Variants in MRGPRX3 observed in about 807,000 individuals in gnomAD.
MRGPRX3 encodes MAS related GPR family member X3, also known as mas-related G protein-coupled receptor member X3.
Under a neutral mutation model 16.5 loss-of-function variants are expected in MRGPRX3, and 14 were observed. The ratio of observed to expected loss-of-function variants is 0.85; its 90% confidence interval spans 0.56 to 1.33. The LOEUF is 1.33. Ranked by LOEUF, MRGPRX3 falls within the 40% of genes most tolerant of loss-of-function variation. The pLI is 0.00. For missense variants in MRGPRX3, 449 were observed against 413.0 expected (o/e 1.09, Z -0.76); for synonymous variants, 199 against 180.1 (o/e 1.10, Z -0.84).
At chr11:18,129,142 G>A (rs1848934575), upstream of MRGPRX3, among the ~76,000 whole-genome samples, 1 of 152,098 alleles carries the variant, frequency 6.6e-6, no homozygotes, top group Non-Finnish European at 1.5e-5. Context: ...AACTAGAGAA[G>A]CAAGAACAAA....
chr11:18,128,680 C>T (rs1323723191), upstream of MRGPRX3, among the ~76,000 whole-genome samples: 1 of 152,222 alleles, frequency 6.6e-6, no homozygotes, highest in South Asian at 2.1e-4. Context: ...GTCTGTCACT[C>T]CTTTTCTTGG....
At chr11:18,136,622 T>G (rs1405766688) in intron 1 of MRGPRX3, among the ~76,000 whole-genome samples, 1 of 152,236 alleles carries the variant, frequency 6.6e-6, no homozygotes, top group Non-Finnish European at 1.5e-5. Flanking sequence ...GAAAAGCACA[T>G]TGTGCTGCTT....
upstream of MRGPRX3, among the ~76,000 whole-genome samples, chr11:18,130,033 T>C (rs1045633577): frequency 6.6e-6 from 1 of 152,122 alleles, no homozygotes; most frequent in African/African-American, 2.4e-5. Flanking sequence ...CATACCTTAA[T>C]GTAATAAAAG....
chr11:18,130,951 C>T (rs968292898), upstream of MRGPRX3, among the ~76,000 whole-genome samples: 1 of 152,056 alleles, frequency 6.6e-6, no homozygotes, highest in Admixed American at 6.6e-5. Context: ...TTCTAGTTAA[C>T]AAATGGTGCT....
In MRGPRX3 at chr11:18,137,695, T is replaced by C. The variant is rs758327883; in HGVS notation, c.493T>C (p.Phe165Leu). Residue 165 changes from phenylalanine (F) to leucine (L), a missense_variant, in exon 2 of 2, where the codon TTT becomes CTT. By Grantham distance (22) the Phe-to-Leu change is conservative. Coordinates refer to ENST00000621697, the MANE Select transcript of MRGPRX3 (RefSeq NM_001370464.1). ...GGAGTGGATGTTCTGTGACTTCCTG[T>C]TTAGTGGTGCTAATTCTGTTTGGTG... ...ILEWMFCDFL[F>L]SGANSVWCET... 6.2e-7 allele frequency: 1 copy of C among 1,613,938 alleles called. No individual in the cohort carries two copies. The highest frequency in any genetic ancestry group is 1.3e-5 in the African/African-American group (1 of 74,872).
intron 1 of MRGPRX3, among the ~76,000 whole-genome samples, chr11:18,121,383 T>G (rs563322567): frequency 6.6e-6 from 1 of 151,364 alleles, no homozygotes; most frequent in Admixed American, 6.5e-5. Context: ...GGGGCGCCAC[T>G]GCCCAGCTGC....
At chr11:18,131,395 A>T (rs2134083125), upstream of MRGPRX3, among the ~76,000 whole-genome samples, 1 of 152,302 alleles carries the variant, frequency 6.6e-6, no homozygotes, top group East Asian at 1.9e-4. Context: ...GACAATTCTC[A>T]AAAGAAGATA....
In MRGPRX3 at chr11:18,122,840, C is replaced by T. The variant is rs1848853664; in HGVS notation, c.-152+1676C>T. Among the ~76,000 whole-genome samples the T allele has an allele frequency of 3.9e-5, 6 of 152,210 alleles. No homozygotes were observed. In the South Asian group the frequency reaches 1.0e-3, roughly 26 times the overall value. ...CTTTCCTGTTTCTCCACATCCTCTCCAGCATCTGTTGTTTCCTGACTTTTT... is the reference window on the plus strand; with the variant it reads ...CTTTCCTGTTTCTCCACATCCTCTCTAGCATCTGTTGTTTCCTGACTTTTT... On this transcript the variant is annotated intron_variant, in intron 1 of 2. Coordinates refer to the MRGPRX3 transcript ENST00000396275.
chr11:18,137,603 G>A lies in MRGPRX3; in HGVS notation c.401G>A (p.Arg134His), dbSNP rs139790666. 902 of 1,614,090 alleles carry A rather than the reference G, an allele frequency of 5.6e-4. 1 individual carries two copies. The highest frequency in any genetic ancestry group is 1.2e-3 in the Middle Eastern group (7 of 6,062). ...TGGCCCATCTGGTACCACTGCCGCC[G>A]CCCCAGATACCTGTCATCAGTCATG... Reference protein sequence around the residue: ...ILWPIWYHCRRPRYLSSVMCV... With the variant: ...ILWPIWYHCRHPRYLSSVMCV... The change falls in exon 2 of 2, where the codon CGC (arginine) becomes CAC (histidine). Residue 134 changes from arginine (R) to histidine (H), a missense_variant. Coordinates refer to ENST00000621697, the MANE Select transcript of MRGPRX3 (RefSeq NM_001370464.1).
intron 1 of MRGPRX3, among the ~76,000 whole-genome samples, chr11:18,127,128 G>A (rs1479388039): frequency 1.3e-5 from 2 of 152,210 alleles, no homozygotes; most frequent in Admixed American, 6.5e-5. Context: ...TGGAGTTTCT[G>A]CCGAGAGATC....
intron 1 of MRGPRX3, among the ~76,000 whole-genome samples, chr11:18,134,633 C>T (rs1391135047): frequency 2.0e-5 from 3 of 152,142 alleles, no homozygotes; most frequent in Admixed American, 6.5e-5. Flanking sequence ...GAACTAGAAG[C>T]TCCAAAGCAT....
chr11:18,127,362 G>T (rs112494774), intron 1 of MRGPRX3, among the ~76,000 whole-genome samples: 4,597 of 152,308 alleles, frequency 0.03, 227 homozygotes, highest in African/African-American at 0.1. Context: ...ATCCTGCAGA[G>T]TGTTTTCCAG....
At chr11:18,130,816 G>A (rs919765283), upstream of MRGPRX3, among the ~76,000 whole-genome samples, 4 of 151,908 alleles carry the variant, frequency 2.6e-5, no homozygotes, top group African/African-American at 9.7e-5. Context: ...AAACATCATG[G>A]CACTGACATA....
At chr11:18,121,530 T>C (rs1195540553) in intron 1 of MRGPRX3, among the ~76,000 whole-genome samples, 3 of 152,204 alleles carry the variant, frequency 2.0e-5, no homozygotes, top group Non-Finnish European at 4.4e-5. Flanking sequence ...CGGGCCAGGA[T>C]GACAATGGCG....
At chr11:18,126,281 C>T (rs1304587846) in intron 1 of MRGPRX3, among the ~76,000 whole-genome samples, 1 of 152,126 alleles carries the variant, frequency 6.6e-6, no homozygotes, top group Non-Finnish European at 1.5e-5. Flanking sequence ...CAGTTTCTTC[C>T]TAACATTGAT....
In MRGPRX3 at chr11:18,133,953, A is replaced by C. The variant is rs141108722; in HGVS notation, c.-26+1214A>C. ...GGTACATAGAAGCCACTCTCTTGGG[A>C]TGTCAAACAGGATAAAGAAGAATGG... On this transcript the variant is annotated intron_variant, in intron 1 of 1. Transcript: ENST00000621697. Among the ~76,000 whole-genome samples, 14 of 152,264 alleles carry C rather than the reference A, an allele frequency of 9.2e-5. No individual in the cohort carries two copies. In the East Asian group the frequency reaches 2.7e-3, roughly 29 times the overall value.
intron 1 of MRGPRX3, among the ~76,000 whole-genome samples, chr11:18,122,372 G>T (rs914290514): frequency 1.3e-5 from 2 of 152,198 alleles, no homozygotes; most frequent in Non-Finnish European, 2.9e-5. Flanking sequence ...AGGGTGGGAT[G>T]TTCCCTGCCC....
At chr11:18,130,702 A>C (rs967345107), upstream of MRGPRX3, among the ~76,000 whole-genome samples, 3 of 151,044 alleles carry the variant, frequency 2.0e-5, no homozygotes, top group African/African-American at 7.3e-5. Flanking sequence ...CAACCAAAAA[A>C]AAAAAAAAAA....
intron 1 of MRGPRX3, among the ~76,000 whole-genome samples, chr11:18,124,031 T>C (rs1161773299): frequency 6.6e-6 from 1 of 152,224 alleles, no homozygotes; most frequent in African/African-American, 2.4e-5. Flanking sequence ...TTTTTGCACA[T>C]TGATTTTGTA....
Sources: allele counts gnomAD v4.1 joint callset (sites outside exome capture counted in the v4.1 genomes callset), GRCh38; gene constraint gnomAD v4.1.1; transcripts MANE v1.5; gene names NCBI Gene and HGNC (gene_info 2026-07-23, HGNC 2026-07-21).